The following MRTFA variants were observed in gnomAD, a reference collection of about 807,000 sequenced individuals.
The protein encoded by MRTFA is myocardin related transcription factor A.
In MRTFA, 20 loss-of-function variants were observed where a neutral mutation model predicts 83.5. The observed-to-expected ratio is 0.24, with a 90% confidence interval of 0.17 to 0.35. The LOEUF (loss-of-function observed/expected upper bound fraction) is 0.35, where lower values mean the gene tolerates loss of function less well. MRTFA is among the 10% of genes least tolerant of loss of function. MRTFA has a pLI of 1.00. For missense variants in MRTFA, 1,200 were observed against 1,224.7 expected (o/e 0.98, Z 0.30); for synonymous variants, 659 against 541.2 (o/e 1.22, Z -3.02).
At chr22:40,496,007 A>C (rs1256958980) in intron 3 of MRTFA, among the ~76,000 whole-genome samples, 4 of 151,840 alleles carry the variant, frequency 2.6e-5, no homozygotes, top group Non-Finnish European at 5.9e-5. Context: ...TGGAAGTTGC[A>C]GTGAGCCAAG....
At chr22:40,540,442 T>G (rs2055269216) in intron 3 of MRTFA, among the ~76,000 whole-genome samples, 1 of 152,112 alleles carries the variant, frequency 6.6e-6, no homozygotes, top group Non-Finnish European at 1.5e-5. Context: ...CTACCCCTCC[T>G]TTAGGCTCCC....
chr22:40,608,004 A>G (rs145239176), intron 1 of MRTFA, among the ~76,000 whole-genome samples: 11 of 152,266 alleles, frequency 7.2e-5, no homozygotes, highest in Middle Eastern at 3.4e-3. Context: ...TGAAAATCAT[A>G]GACAGGCCAT....
In MRTFA at chr22:40,416,836, C is replaced by A; in HGVS notation, c.2578+150G>T. ...GGTCCTCTCGCCCAGGCCTTGGAGA[C>A]GGGAGGGCTCACAGCCACCACTGCA... On this transcript the variant is annotated intron_variant, in intron 14 of 14. Coordinates refer to ENST00000355630, the MANE Select transcript of MRTFA (RefSeq NM_020831.6). This position sits in a 1 kb window ranked among gnomAD's most constrained non-coding sequence, Gnocchi z 4.2. The A allele has an allele frequency of 2.7e-6, 2 of 728,222 alleles. No individual in the cohort carries two copies. Among genetic ancestry groups the A allele is most frequent in the South Asian group, 1.8e-5 (1 of 54,438 alleles). The allele number at this position is 728,222 out of a possible 1,614,324, so 45.1% of individuals were successfully genotyped here.
At chr22:40,508,837 C>G (rs1167242771) in intron 3 of MRTFA, among the ~76,000 whole-genome samples, 3 of 146,858 alleles carry the variant, frequency 2.0e-5, no homozygotes, top group Non-Finnish European at 4.5e-5. Flanking sequence ...TAGCGAGACT[C>G]TGCCTCTACC....
At chr22:40,555,583 A>ATT (rs1466004439) in intron 2 of MRTFA, among the ~76,000 whole-genome samples, 9 of 148,654 alleles carry the variant, frequency 6.1e-5, no homozygotes, top group Non-Finnish European at 1.2e-4. Context: ...ATTAAAAAAA[A>ATT]TTTTATATAT....
chr22:40,448,333 G>A (rs980871966), intron 4 of MRTFA, among the ~76,000 whole-genome samples: 1 of 151,598 alleles, frequency 6.6e-6, no homozygotes, highest in Non-Finnish European at 1.5e-5. Context: ...AATTAGCTGG[G>A]TGTGGTGGCA....
At chr22:40,579,596 A>G (rs142558093) in intron 2 of MRTFA, among the ~76,000 whole-genome samples, 3 of 152,216 alleles carry the variant, frequency 2.0e-5, no homozygotes, top group African/African-American at 7.2e-5. Context: ...GTGGTGGCTC[A>G]CCCCTGTAAT....
At chr22:40,529,126 C>G (rs1231563844) in intron 3 of MRTFA, among the ~76,000 whole-genome samples, 1 of 152,132 alleles carries the variant, frequency 6.6e-6, no homozygotes. Context: ...TATATGTCCA[C>G]AATCTGCCCT....
chr22:40,618,080 G>GT (rs66504883), intron 1 of MRTFA, among the ~76,000 whole-genome samples: 14,392 of 141,484 alleles, frequency 0.1, 845 homozygotes, highest in East Asian at 0.25. Flanking sequence ...GTTGTTTTTT[G>GT]TTTTTTTTTT....
intron 7 of MRTFA, chr22:40,429,239 T>A (rs1036055137): frequency 4.7e-5 from 28 of 595,214 alleles, no homozygotes; most frequent in Admixed American, 1.5e-4. Flanking sequence ...ACTTCACTAA[T>A]AAAGAGTATG....
chr22:40,435,883 C>T (rs2053160092), intron 4 of MRTFA, among the ~76,000 whole-genome samples: 1 of 149,740 alleles, frequency 6.7e-6, no homozygotes, highest in Non-Finnish European at 1.5e-5. Context: ...TGCAGTAAGC[C>T]GAGATTGCGC....
intron 12 of MRTFA, 27 bp from the exon 13 acceptor site, chr22:40,417,520 A>AGT (rs1336382282): frequency 8.6e-7 from 1 of 1,166,422 alleles, no homozygotes; most frequent in Non-Finnish European, 1.1e-6. Context: ...GGAGAGGACC[A>AGT]GTGGCCAGGG....
At chr22:40,502,701 C>CAGG (rs1201740358) in intron 3 of MRTFA, among the ~76,000 whole-genome samples, 1 of 151,298 alleles carries the variant, frequency 6.6e-6, no homozygotes, top group Non-Finnish European at 1.5e-5. Flanking sequence ...CCAAGGCAGG[C>CAGG]GGCTGCTCCT....
chr22:40,513,944 A>AT (rs1396542083), intron 3 of MRTFA, among the ~76,000 whole-genome samples: 4 of 151,088 alleles, frequency 2.6e-5, no homozygotes, highest in Non-Finnish European at 1.5e-5. Flanking sequence ...TTAAAGTAAT[A>AT]ATTTTTTTTT....
At chr22:40,476,885 T>C (rs1354169405) in intron 3 of MRTFA, among the ~76,000 whole-genome samples, 1 of 152,132 alleles carries the variant, frequency 6.6e-6, no homozygotes, top group African/African-American at 2.4e-5. Flanking sequence ...AACAAAAGCA[T>C]TGTAAAGGCC....
intron 3 of MRTFA, among the ~76,000 whole-genome samples, chr22:40,530,897 A>T (rs2055067966): frequency 6.6e-6 from 1 of 152,272 alleles, no homozygotes; most frequent in Admixed American, 6.5e-5. Context: ...TTGATTTAAA[A>T]GCTTATACTT....
intron 3 of MRTFA, among the ~76,000 whole-genome samples, chr22:40,551,040 G>A (rs1602418041): frequency 6.7e-6 from 1 of 150,110 alleles, no homozygotes; most frequent in East Asian, 2.0e-4. Context: ...TAGTAAAGAC[G>A]GGGTTTCTCC....
intron 4 of MRTFA, 74 bp from the exon 5 acceptor site, chr22:40,435,628 A>C (rs2147100924): frequency 6.5e-7 from 1 of 1,536,528 alleles, no homozygotes; most frequent in South Asian, 1.1e-5. Flanking sequence ...TCAGTGGAGA[A>C]GGCATCTTAA....
intron 5 of MRTFA, 78 bp from the exon 6 acceptor site, chr22:40,431,558 T>C: frequency 4.4e-6 from 6 of 1,362,044 alleles, no homozygotes; most frequent in Non-Finnish European, 5.2e-6. Context: ...AACAGCAGCC[T>C]TGGCCATGGT....
Sources: allele counts gnomAD v4.1 joint callset (sites outside exome capture counted in the v4.1 genomes callset), GRCh38; gene constraint gnomAD v4.1.1; non-coding constraint Gnocchi (gnomAD v3.1); transcripts MANE v1.5; gene names NCBI Gene and HGNC (gene_info 2026-07-23, HGNC 2026-07-21).